Variants in VPS13B observed in about 807,000 individuals in gnomAD.
The protein encoded by VPS13B is intermembrane lipid transfer protein VPS13B.
Under a neutral mutation model 426.4 loss-of-function variants are expected in VPS13B, and 285 were observed. The observed-to-expected ratio is 0.67, with a 90% CI of 0.61 to 0.74. VPS13B has a LOEUF of 0.74. Ranked by LOEUF, VPS13B falls within the 30% of genes least tolerant of loss-of-function variation. The pLI, the probability that VPS13B is intolerant of heterozygous loss-of-function variation, is 0.00. For missense variants in VPS13B, 4,537 were observed against 4,782.6 expected, an observed-to-expected ratio of 0.95 and a Z score of 1.51; for synonymous variants, 1,676 against 1,676.4, an observed-to-expected ratio of 1.00 and a Z score of 0.01.
chr8:99,102,901 T>C (rs944470136), intron 4 of VPS13B, 52 bp from the exon 5 acceptor site: 2 of 1,463,890 alleles, frequency 1.4e-6, no homozygotes, highest in Non-Finnish European at 9.5e-7. Flanking sequence ...TAAGAAATAA[T>C]TATTTACTGA....
At chr8:99,191,350 G>C (rs1273856054) in intron 16 of VPS13B, among the ~76,000 whole-genome samples, 1 of 95,764 alleles carries the variant, frequency 1.0e-5, no homozygotes, top group Non-Finnish European at 2.3e-5. Context: ...TTAAAGCTTT[G>C]TTCAGTTATT....
intron 23 of VPS13B, among the ~76,000 whole-genome samples, chr8:99,459,284 T>A (rs1454428896): frequency 6.6e-6 from 1 of 152,206 alleles, no homozygotes; most frequent in Admixed American, 6.5e-5. Flanking sequence ...CCTTATTGAG[T>A]TTCTGTCTAA....
intron 30 of VPS13B, among the ~76,000 whole-genome samples, chr8:99,523,448 C>T (rs1208633643): frequency 6.6e-6 from 1 of 152,230 alleles, no homozygotes; most frequent in Non-Finnish European, 1.5e-5. Context: ...TGACCCAGCG[C>T]AGTCCCAATG....
chr8:99,089,247 T>C (rs1846013872), intron 3 of VPS13B, among the ~76,000 whole-genome samples: 1 of 152,196 alleles, frequency 6.6e-6, no homozygotes, highest in South Asian at 2.1e-4. Context: ...TCTTTAGCAG[T>C]ATGTGACATA....
intron 52 of VPS13B, among the ~76,000 whole-genome samples, chr8:99,833,168 T>C (rs573578330): frequency 6.6e-6 from 1 of 152,372 alleles, no homozygotes; most frequent in Non-Finnish European, 1.5e-5. Flanking sequence ...GACTCTGTTC[T>C]GTGGTCGTTC....
intron 19 of VPS13B, among the ~76,000 whole-genome samples, chr8:99,297,464 A>C (rs1454522257): frequency 6.6e-6 from 1 of 152,198 alleles, no homozygotes; most frequent in African/African-American, 2.4e-5. Flanking sequence ...TTGTTATATG[A>C]ATCAACTAGG....
intron 23 of VPS13B, among the ~76,000 whole-genome samples, chr8:99,448,664 A>G (rs2133454887): frequency 6.6e-6 from 1 of 152,176 alleles, no homozygotes; most frequent in South Asian, 2.1e-4. Flanking sequence ...TTTCTTGAGT[A>G]TTGGGACTGA....
chr8:99,641,874 C>A lies in VPS13B; in HGVS notation c.5284C>A (p.Arg1762Ser). Reference sequence around the variant, plus strand: ...TGGAGGCATGGCTGAAACCTCATCTCGCTACAGTGGTGCTCAGGATAGTGG... The same window carrying A: ...TGGAGGCATGGCTGAAACCTCATCTAGCTACAGTGGTGCTCAGGATAGTGG... ...FDGGMAETSSRYSGAQDSGIG... is the reference protein window; with the variant it reads ...FDGGMAETSSSYSGAQDSGIG... Residue 1762 changes from arginine to serine, a missense_variant, in exon 34 of 62, where the codon CGC (arginine) becomes AGC (serine). Around this residue, in one of 2 missense-constraint regions of VPS13B, gnomAD observed 4,311 missense variants for 4,474.3 expected, o/e 0.96. Coordinates refer to ENST00000357162, the MANE Select transcript of VPS13B (RefSeq NM_152564.5). 6.2e-7 allele frequency: 1 copy of A among 1,613,992 alleles called. No homozygotes were observed. The highest frequency in any genetic ancestry group is 1.1e-5 in the South Asian group (1 of 91,070).
chr8:99,263,864 T>A (rs1476497043), intron 17 of VPS13B, among the ~76,000 whole-genome samples: 1 of 152,198 alleles, frequency 6.6e-6, no homozygotes, highest in Non-Finnish European at 1.5e-5. Flanking sequence ...ATAGAGGATC[T>A]AGTTTTTAGG....
In VPS13B at chr8:99,870,826, C is replaced by T. The variant is rs369891888; in HGVS notation, c.11434C>T (p.Arg3812Cys). 3.8e-5 allele frequency: 61 copies of T among 1,614,072 alleles called. No homozygotes were observed. The highest frequency in any genetic ancestry group is 4.5e-5 in the East Asian group (2 of 44,902). The change falls in exon 60 of 62, where the codon CGC (arginine) becomes TGC (cysteine). Residue 3812 changes from arginine (R) to cysteine (C), a missense_variant. Arg to Cys is a radical substitution (Grantham distance 180, BLOSUM62 -3). Coordinates refer to ENST00000357162, the MANE Select transcript of VPS13B (RefSeq NM_152564.5). ...TGGACTTTCTCAGCTTCCCAAACAG[C>T]GCCATCAGCCAAGTGATCTACATGC... ...GAGLSQLPKQ[R>C]HQPSDLHADQ...
chr8:99,684,268 A>T (rs964543958), intron 35 of VPS13B, among the ~76,000 whole-genome samples: 4 of 152,096 alleles, frequency 2.6e-5, no homozygotes, highest in Admixed American at 2.0e-4. Flanking sequence ...ATTGTTTTTT[A>T]TACTTTCTCC....
chr8:99,013,552 G>C (rs1841433904), intron 1 of VPS13B, among the ~76,000 whole-genome samples: 1 of 152,152 alleles, frequency 6.6e-6, no homozygotes, highest in Non-Finnish European at 1.5e-5. Context: ...TGGTCACTAC[G>C]TCTTCCTCCC....
At chr8:99,253,151 G>A (rs1187580952) in intron 17 of VPS13B, among the ~76,000 whole-genome samples, 3 of 151,994 alleles carry the variant, frequency 2.0e-5, no homozygotes, top group African/African-American at 7.2e-5. Context: ...TATTCTTGTT[G>A]TAGTATGTTT....
chr8:99,786,904 G>C (rs1812299838), intron 43 of VPS13B, among the ~76,000 whole-genome samples: 1 of 152,108 alleles, frequency 6.6e-6, no homozygotes, highest in Admixed American at 6.6e-5. Context: ...TGAAAATTCT[G>C]CTGTGTTCTA....
chr8:99,454,905 A>G (rs920830454), intron 23 of VPS13B, among the ~76,000 whole-genome samples: 2 of 152,030 alleles, frequency 1.3e-5, no homozygotes, highest in African/African-American at 4.8e-5. Flanking sequence ...TTATACGCTT[A>G]TTTGCCATCT....
At chr8:99,150,692 C>T (rs1461652838) in intron 14 of VPS13B, among the ~76,000 whole-genome samples, 1 of 152,156 alleles carries the variant, frequency 6.6e-6, no homozygotes, top group Admixed American at 6.6e-5. Flanking sequence ...TAAGTTTCCT[C>T]TTTGGCTTTT....
chr8:99,235,354 A>G lies in VPS13B; in HGVS notation c.2516-38844A>G, dbSNP rs553044348. Among the ~76,000 whole-genome samples the G allele has an allele frequency of 5.3e-5, 8 of 152,328 alleles. No homozygotes were observed. In the South Asian group the frequency reaches 6.2e-4, roughly 12 times the overall value. ...GAAAATTTATTTTAAATAAAATTCT[A>G]CATTTATCTTTGTATTCCAAAAAGT... On this transcript the variant is annotated intron_variant, in intron 17 of 61. Transcript: ENST00000357162.
At chr8:99,738,995 G>A (rs1011354028) in intron 39 of VPS13B, among the ~76,000 whole-genome samples, 11 of 152,178 alleles carry the variant, frequency 7.2e-5, no homozygotes, top group African/African-American at 4.8e-5. Flanking sequence ...TGGGTGCAGC[G>A]CATTGAGCCT....
chr8:99,135,215 A>G (rs1810011852), intron 10 of VPS13B, 78 bp downstream of exon 10: 1 of 1,571,548 alleles, frequency 6.4e-7, no homozygotes, highest in Admixed American at 1.7e-5. Context: ...TAACCATATA[A>G]TATCTGTTAG....
Sources: allele counts gnomAD v4.1 joint callset (sites outside exome capture counted in the v4.1 genomes callset), GRCh38; gene constraint gnomAD v4.1.1; regional missense constraint gnomAD v4.1.1; transcripts MANE v1.5; gene names NCBI Gene and HGNC (gene_info 2026-07-23, HGNC 2026-07-21).